Variants in KLB observed in about 807,000 individuals in gnomAD.
KLB encodes the protein klotho beta, also known as beta-klotho.
A neutral mutation model predicts 88.4 loss-of-function variants in KLB; 44 were observed. The ratio of observed to expected loss-of-function variants is 0.50; its 90% CI spans 0.39 to 0.64. KLB has a LOEUF of 0.64. Ranked by LOEUF, KLB falls within the 30% of genes least tolerant of loss-of-function variation. The pLI is 0.00. For synonymous variants in KLB, 548 were observed against 513.4 expected, an observed-to-expected ratio of 1.07 and a Z score of -0.91; for missense variants, 1,137 against 1,304.8, an observed-to-expected ratio of 0.87 and a Z score of 1.98.
chr4:39,419,898 C>T lies in KLB; in HGVS notation c.825+12124C>T, dbSNP rs192465834. ...GGCGGAGGTTGCAGTGAGCCAAGAT[C>T]GTGCCACTGCACTCCAGTCTGGGCA... On this transcript the variant is annotated intron_variant, in intron 1 of 4. Transcript: ENST00000257408. Among the ~76,000 whole-genome samples the T allele has an allele frequency of 9.0e-3, 1,250 of 138,160 alleles. 13 individuals are homozygous for T. Among genetic ancestry groups the T allele is most frequent in the African/African-American group, 0.032 (1,165 of 35,960 alleles). The allele number at this position is 138,160 out of a possible 152,430, so 90.6% of individuals were successfully genotyped here.
rs537328666 is a variant in KLB at position 39,434,398 on chromosome 4, C to T, written c.1014C>T (p.Gly338=). ...TTGCCAACCCTATCCATGGGGATGG[C>T]GACTATCCAGAGGGGATGAGAAAGA... ...GWFANPIHGD[G]DYPEGMRKKL... is the part of the protein sequence containing the mutation. The change falls in exon 2 of 5, where the codon GGC becomes GGT. Residue 338 remains glycine, a synonymous_variant. Coordinates refer to ENST00000257408, the MANE Select transcript of KLB (RefSeq NM_175737.4). 3.7e-6 allele frequency: 6 copies of T among 1,614,054 alleles called. No individual in the cohort carries two copies. In the African/African-American group the frequency reaches 4.0e-5, roughly 11 times the overall value.
At position 39,407,727 on chromosome 4, in the gene KLB, A is replaced by C; in HGVS notation, c.778A>C (p.Lys260Gln). The change falls in exon 1 of 5, where the codon AAG becomes CAG. Residue 260 changes from lysine (K) to glutamine (Q), a missense_variant. By Grantham distance (53) the Lys-to-Gln change is moderately conservative (BLOSUM62 1). Around this residue, in one of 4 missense-constraint regions of KLB, gnomAD observed 597 missense variants for 765.2 expected, o/e 0.78. Transcript: ENST00000257408. The stretch of plus-strand genomic sequence containing the variant: ...GACAGGTATGCATGCCCCTGGAGAG[A>C]AGGGAAATTTAGCAGCTGTCTACAC... Reference protein sequence around the residue: ...YGTGMHAPGEKGNLAAVYTVG... With the variant: ...YGTGMHAPGEQGNLAAVYTVG... 6.2e-7 allele frequency: 1 copy of C among 1,607,380 alleles called. No homozygotes were observed. Among genetic ancestry groups the C allele is most frequent in the Non-Finnish European group, 8.5e-7 (1 of 1,174,478 alleles).
intron 1 of KLB, among the ~76,000 whole-genome samples, chr4:39,422,294 G>A (rs1460872133): frequency 1.3e-5 from 2 of 152,128 alleles, no homozygotes; most frequent in African/African-American, 4.8e-5. Context: ...TCATTTATGT[G>A]GGAGAGAGGG....
At position 39,408,749 on chromosome 4, in the gene KLB, A is replaced by C. The variant is rs1185146939; in HGVS notation, c.825+975A>C. ...TTGAAAAGAAGACTCAGGAATTTGC[A>C]AGAGATTTAGCCTCACATTGAGGCT... On this transcript the variant is annotated intron_variant, in intron 1 of 4. Transcript: ENST00000257408. Among the ~76,000 whole-genome samples the C allele has an allele frequency of 2.4e-5, 3 of 125,560 alleles. No homozygotes were observed. In the East Asian group the frequency reaches 7.9e-4, roughly 33 times the overall value. The allele number at this position is 125,560 out of a possible 152,430, so 82.4% of individuals were successfully genotyped here. A position where few individuals can be genotyped will look rare whatever the true frequency, so the allele number is the denominator to read the frequency against.
At chr4:39,425,157 A>C (rs1318119890) in intron 1 of KLB, among the ~76,000 whole-genome samples, 1 of 152,184 alleles carries the variant, frequency 6.6e-6, no homozygotes, top group Admixed American at 6.5e-5. Flanking sequence ...TAAAGCACTA[A>C]TTTACTAATG....
rs183882125 is a variant in KLB, at chr4:39,412,951, C to T, written c.825+5177C>T. Among the ~76,000 whole-genome samples the T allele has an allele frequency of 4.6e-5, 7 of 152,200 alleles. No individual in the cohort carries two copies. The East Asian group carries it at 7.7e-4, about 17-fold the overall frequency. On this transcript the variant is annotated intron_variant, in intron 1 of 4. Coordinates refer to ENST00000257408, the MANE Select transcript of KLB (RefSeq NM_175737.4). The stretch of plus-strand genomic sequence containing the variant: ...CTGTCGAAATATTACTGATATTAAT[C>T]GGGTGGTATATTAGTCAGGACTTTT...
intron 1 of KLB, 71 bp downstream of exon 1, chr4:39,407,845 A>G (rs991931625): frequency 1.1e-6 from 1 of 896,790 alleles, no homozygotes; most frequent in Non-Finnish European, 1.6e-6. Flanking sequence ...CTTCTGCCTC[A>G]GTAATTCTCT....
In KLB at chr4:39,448,764, G is replaced by GT. The variant is rs1320808547; in HGVS notation, c.*79dup. 7.5e-7 allele frequency: 1 copy of GT among 1,340,086 alleles called. No homozygotes were observed. Among genetic ancestry groups the GT allele is most frequent in the African/African-American group, 1.5e-5 (1 of 68,484 alleles). The allele number at this position is 1,340,086 out of a possible 1,614,324, so 83.0% of individuals were successfully genotyped here. ...CTGGTAACTTACAGGAGATATACCT[G>GT]TATTATAGAAAGACAATCTGAGATA... On this transcript the variant is annotated 3_prime_UTR_variant, in exon 5 of 5. Coordinates refer to ENST00000257408, the MANE Select transcript of KLB (RefSeq NM_175737.4).
intron 3 of KLB, among the ~76,000 whole-genome samples, chr4:39,441,324 A>G (rs890920859): frequency 3.3e-5 from 5 of 152,160 alleles, no homozygotes; most frequent in Admixed American, 2.0e-4. Flanking sequence ...TACTATTCAT[A>G]TTCAAATTTT....
In KLB at chr4:39,407,257, A is replaced by C. The variant is rs1321150387; in HGVS notation, c.308A>C (p.Asp103Ala). Residue 103 changes from aspartate to alanine, a missense_variant, in exon 1 of 5, where the codon GAT becomes GCT. Physicochemically the swap from Asp to Ala is moderately radical, Grantham distance 126. Transcript: ENST00000257408. ...ALQVEGSWKK[D>A]GKGPSIWDHF... ...CAAGTGGAAGGGAGTTGGAAGAAGG[A>C]TGGAAAAGGACCTTCTATATGGGAT... is the stretch of plus-strand genomic sequence containing the variant. The C allele has an allele frequency of 6.2e-7, 1 of 1,614,052 alleles. No individual in the cohort carries two copies. The highest frequency in any genetic ancestry group is 8.5e-7 in the Non-Finnish European group (1 of 1,180,022).
In KLB at chr4:39,407,731, G is replaced by A; in HGVS notation, c.782G>A (p.Gly261Glu). The change falls in exon 1 of 5, where the codon GGA (glycine) becomes GAA (glutamate). Residue 261 changes from glycine to glutamate, a missense_variant. This residue lies in a region of KLB where 597 missense variants were observed against 765.2 expected (regional missense o/e 0.78). Transcript: ENST00000257408. ...GGTATGCATGCCCCTGGAGAGAAGG[G>A]AAATTTAGCAGCTGTCTACACTGTG... is the stretch of plus-strand genomic sequence containing the variant. ...GTGMHAPGEKGNLAAVYTVGH... is the reference protein window; with the variant it reads ...GTGMHAPGEKENLAAVYTVGH... The A allele has an allele frequency of 6.2e-7, 1 of 1,606,730 alleles. No individual in the cohort carries two copies. The highest frequency in any genetic ancestry group is 1.1e-5 in the South Asian group (1 of 90,908).
At chr4:39,414,562 C>G (rs1165410009) in intron 1 of KLB, among the ~76,000 whole-genome samples, 1 of 151,772 alleles carries the variant, frequency 6.6e-6, no homozygotes, top group Non-Finnish European at 1.5e-5. Flanking sequence ...TTTAAAAAAG[C>G]TTTTCCTTTT....
chr4:39,434,615 C>A lies in KLB; in HGVS notation c.1231C>A (p.Arg411=). 6.2e-7 allele frequency: 1 copy of A among 1,614,074 alleles called. No individual in the cohort carries two copies. The highest frequency in any genetic ancestry group is 8.5e-7 in the Non-Finnish European group (1 of 1,179,976). ...NWIKLEYNNP[R]ILIAENGWFT... is the part of the protein sequence containing the mutation. Reference sequence around the variant, plus strand: ...GATTAAACTGGAATACAACAACCCTCGAATCTTGATTGCTGAGAATGGCTG... The same window carrying A: ...GATTAAACTGGAATACAACAACCCTAGAATCTTGATTGCTGAGAATGGCTG... The change falls in exon 2 of 5, where the codon CGA becomes AGA. Residue 411 remains arginine, a synonymous_variant. Transcript: ENST00000257408.
intron 2 of KLB, 74 bp downstream of exon 2, chr4:39,434,794 G>T: frequency 3.6e-6 from 4 of 1,120,886 alleles, no homozygotes; most frequent in Non-Finnish European, 3.8e-6. Context: ...CTTTGAATAT[G>T]TAACTATTAT....
In KLB at chr4:39,407,773, A is replaced by C; in HGVS notation, c.824A>C (p.Lys275Thr). Residue 275 changes from lysine (K) to threonine (T), a missense_variant and splice_region_variant, in exon 1 of 5, where the codon AAG becomes ACG. Physicochemically the swap from Lys to Thr is moderately conservative, Grantham distance 78 (BLOSUM62 -1). This residue lies in a region of KLB where 597 missense variants were observed against 765.2 expected (regional missense o/e 0.78). Transcript: ENST00000257408. ...TACACTGTGGGACACAACTTGATCAAGGTACTGTACAGCTAGCTTCTTCTT... is the reference window on the plus strand; with the variant it reads ...TACACTGTGGGACACAACTTGATCACGGTACTGTACAGCTAGCTTCTTCTT... ...AVYTVGHNLI[K>T]AHSKVWHNYN... 6.4e-7 allele frequency: 1 copy of C among 1,571,122 alleles called. No homozygotes were observed. Among genetic ancestry groups the C allele is most frequent in the Non-Finnish European group, 8.7e-7 (1 of 1,148,438 alleles).
Position 39,426,216 on chromosome 4 carries a change from G to T in KLB, c.826-7994G>T, listed in dbSNP as rs1743209351. Among the ~76,000 whole-genome samples, 3 of 146,062 alleles carry T rather than the reference G, an allele frequency of 2.1e-5. No individual in the cohort carries two copies. In the South Asian group the frequency reaches 6.5e-4, roughly 32 times the overall value. ...GCAGTGAGCCGAGATTGTGACACTG[G>T]TCTCCAGCCTAGGCGACAGAGCGAG... On this transcript the variant is annotated intron_variant, in intron 1 of 4. Transcript: ENST00000257408.
chr4:39,428,302 C>T (rs1338089499), intron 1 of KLB, among the ~76,000 whole-genome samples: 1 of 151,906 alleles, frequency 6.6e-6, no homozygotes, highest in African/African-American at 2.4e-5. Flanking sequence ...GTGATGGGTG[C>T]CTGTAATCCC....
intron 2 of KLB, among the ~76,000 whole-genome samples, chr4:39,435,054 G>A (rs1030812746): frequency 2.0e-5 from 3 of 151,998 alleles, no homozygotes; most frequent in Non-Finnish European, 2.9e-5. Context: ...TGATCCGCCC[G>A]CCTCAGCCTC....
At chr4:39,416,610 G>A (rs1165965160) in intron 1 of KLB, among the ~76,000 whole-genome samples, 2 of 151,930 alleles carry the variant, frequency 1.3e-5, no homozygotes, top group African/African-American at 2.4e-5. Flanking sequence ...GTGAGACTTC[G>A]GTCTCTACAA....
Sources: gnomAD v4.1 joint callset for allele counts (sites outside exome capture counted in the v4.1 genomes callset) on GRCh38, gnomAD v4.1.1 for gene constraint, gnomAD v4.1.1 regional missense constraint, MANE v1.5 for transcripts, NCBI Gene and HGNC (gene_info 2026-07-23, HGNC 2026-07-21) for gene names.